The following LYPLAL1 variants were observed in gnomAD, a reference collection of about 807,000 sequenced individuals.
LYPLAL1 encodes the protein lysophospholipase like 1, also known as lysophospholipase-like protein 1.
Under a neutral mutation model 19.7 loss-of-function variants are expected in LYPLAL1, and 23 were observed. The ratio of observed to expected loss-of-function variants is 1.17; its 90% CI spans 0.84 to 1.65. The LOEUF (loss-of-function observed/expected upper bound fraction) is 1.65, where lower values mean the gene tolerates loss of function less well. Ranked by LOEUF, LYPLAL1 falls within the 40% of genes most tolerant of loss-of-function variation. The probability of loss-of-function intolerance (pLI) is 0.00; values close to 1 mark genes in which losing one functional copy is unlikely to be tolerated. For missense variants in LYPLAL1, 355 were observed against 279.4 expected, an observed-to-expected ratio of 1.27 and a Z score of -1.93; for synonymous variants, 119 against 96.3, an observed-to-expected ratio of 1.24 and a Z score of -1.38.
the LYPLAL1 span, among the ~76,000 whole-genome samples, chr1:219,349,697 T>A: frequency 6.6e-6 from 1 of 151,964 alleles, no homozygotes; most frequent in Non-Finnish European, 1.5e-5. Flanking sequence ...GAAAACAAAG[T>A]GGAGAGAGTG....
rs1391951909 is a variant in LYPLAL1, at chr1:219,211,998, A to C, written c.*270A>C. On this transcript the variant is annotated 3_prime_UTR_variant, in exon 5 of 5. Transcript: ENST00000366928. ...TTAAATTTTTGAAATAAAGTATTCT[A>C]AACTAATATAAATAAGGACAATGAA... is the stretch of plus-strand genomic sequence containing the variant. The C allele has an allele frequency of 4.2e-6, 1 of 240,484 alleles. No individual in the cohort carries two copies. The highest frequency in any genetic ancestry group is 8.0e-6 in the Non-Finnish European group (1 of 125,578). The allele number at this position is 240,484 out of a possible 1,614,324, so 14.9% of individuals were successfully genotyped here. A position where few individuals can be genotyped will look rare whatever the true frequency, so the allele number is the denominator to read the frequency against.
the LYPLAL1 span, among the ~76,000 whole-genome samples, chr1:219,436,225 C>T: frequency 6.6e-6 from 1 of 152,172 alleles, no homozygotes; most frequent in African/African-American, 2.4e-5. Flanking sequence ...GCCACTTGGA[C>T]ATAAAAGTCT....
chr1:219,216,546 GGTTTTTACAC>G (rs1318659630), downstream of LYPLAL1, among the ~76,000 whole-genome samples: 3 of 152,056 alleles, frequency 2.0e-5, no homozygotes, highest in Non-Finnish European at 4.4e-5. Context: ...TGGATTGTGA[GGTTTTTACAC>G]TATAGCTAGC....
At chr1:219,229,411 T>G in the LYPLAL1 span, among the ~76,000 whole-genome samples, 1 of 149,654 alleles carries the variant, frequency 6.7e-6, no homozygotes, top group South Asian at 2.2e-4. Context: ...GGGAGTGGCC[T>G]GATTCCCGGC....
the LYPLAL1 span, among the ~76,000 whole-genome samples, chr1:219,293,837 C>T: frequency 1.3e-5 from 2 of 152,222 alleles, no homozygotes; most frequent in East Asian, 1.9e-4. Context: ...TTAATCAGAA[C>T]CTCAAGTTTA....
intron 3 of LYPLAL1, among the ~76,000 whole-genome samples, chr1:219,194,918 G>C (rs1479981298): frequency 6.6e-6 from 1 of 151,998 alleles, no homozygotes; most frequent in African/African-American, 2.4e-5. Context: ...GTTTTTGTCT[G>C]TCTGGACAGT....
chr1:219,325,641 A>G, the LYPLAL1 span, among the ~76,000 whole-genome samples: 2 of 152,194 alleles, frequency 1.3e-5, no homozygotes, highest in Non-Finnish European at 2.9e-5. Context: ...GCACCCACAT[A>G]CATATTTTTT....
chr1:219,254,063 G>A, the LYPLAL1 span, among the ~76,000 whole-genome samples: 1 of 151,870 alleles, frequency 6.6e-6, no homozygotes, highest in Non-Finnish European at 1.5e-5. Flanking sequence ...GATCTTTGTG[G>A]CTTTGAACTC....
intron 1 of LYPLAL1, among the ~76,000 whole-genome samples, chr1:219,175,578 A>G (rs963798583): frequency 5.3e-5 from 8 of 152,188 alleles, no homozygotes; most frequent in Admixed American, 1.3e-4. Flanking sequence ...CTGTAAGGGT[A>G]TGTCTCTAAA....
At chr1:219,204,634 A>G (rs1205976785) in intron 3 of LYPLAL1, among the ~76,000 whole-genome samples, 1 of 152,186 alleles carries the variant, frequency 6.6e-6, no homozygotes, top group Non-Finnish European at 1.5e-5. Context: ...TAATGTTTTA[A>G]GTTCTGAAGT....
At chr1:219,398,620 A>G in the LYPLAL1 span, among the ~76,000 whole-genome samples, 1 of 152,180 alleles carries the variant, frequency 6.6e-6, no homozygotes, top group African/African-American at 2.4e-5. Context: ...TGGAGGAATG[A>G]AGGCACTTTG....
At chr1:219,352,721 A>G in the LYPLAL1 span, among the ~76,000 whole-genome samples, 1 of 152,144 alleles carries the variant, frequency 6.6e-6, no homozygotes, top group Non-Finnish European at 1.5e-5. Flanking sequence ...CAATAAGCCT[A>G]GAGACAAAGT....
At chr1:219,258,801 A>G in the LYPLAL1 span, among the ~76,000 whole-genome samples, 6 of 152,274 alleles carry the variant, frequency 3.9e-5, no homozygotes, top group African/African-American at 1.4e-4. Flanking sequence ...GCTTCTGCAC[A>G]GCAAAAGGAA....
chr1:219,372,554 C>T, the LYPLAL1 span, among the ~76,000 whole-genome samples: 1 of 152,216 alleles, frequency 6.6e-6, no homozygotes, highest in South Asian at 2.1e-4. Context: ...AAGTTTCACA[C>T]ACAGTGCTGA....
At chr1:219,309,546 G>A in the LYPLAL1 span, among the ~76,000 whole-genome samples, 12 of 152,082 alleles carry the variant, frequency 7.9e-5, no homozygotes, top group Admixed American at 2.0e-4. Context: ...GGAGGAACCC[G>A]GGGGAGAAAA....
the LYPLAL1 span, among the ~76,000 whole-genome samples, chr1:219,403,621 T>C: frequency 5.5e-3 from 844 of 152,268 alleles, 8 homozygotes; most frequent in African/African-American, 0.02. Context: ...AAAAATAATA[T>C]ACATCATTTG....
the LYPLAL1 span, among the ~76,000 whole-genome samples, chr1:219,291,496 A>G: frequency 6.6e-6 from 1 of 152,132 alleles, no homozygotes; most frequent in Admixed American, 6.5e-5. Context: ...TTCACTAATG[A>G]TTCCTCTCTA....
the LYPLAL1 span, among the ~76,000 whole-genome samples, chr1:219,268,927 G>T: frequency 6.6e-6 from 1 of 152,160 alleles, no homozygotes; most frequent in African/African-American, 2.4e-5. Flanking sequence ...AATACATGTG[G>T]TCCAGCTTGC....
chr1:219,245,069 G>A, the LYPLAL1 span, among the ~76,000 whole-genome samples: 5 of 124,350 alleles, frequency 4.0e-5, no homozygotes, highest in African/African-American at 1.6e-4. Flanking sequence ...CTCCTTTCCT[G>A]CCTTCCTTCC....
Sources: gnomAD v4.1 joint callset for allele counts (sites outside exome capture counted in the v4.1 genomes callset) on GRCh38, gnomAD v4.1.1 for gene constraint, MANE v1.5 for transcripts, NCBI Gene and HGNC (gene_info 2026-07-23, HGNC 2026-07-21) for gene names.